ZFHX3: variants seen among roughly 807,000 people sequenced by gnomAD.
ZFHX3 encodes the protein zinc finger homeobox protein 3.
A neutral mutation model predicts 279.1 loss-of-function variants in ZFHX3; 42 were observed. The observed-to-expected ratio is 0.15, with a 90% CI of 0.12 to 0.19. The LOEUF (loss-of-function observed/expected upper bound fraction) is 0.19. Ranked by LOEUF, ZFHX3 falls within the 10% of genes least tolerant of loss-of-function variation. The probability of loss-of-function intolerance (pLI) is 1.00; values close to 1 mark genes in which losing one functional copy is unlikely to be tolerated. For synonymous variants in ZFHX3, 2,293 were observed against 1,957.8 expected (o/e 1.17, Z -4.52); for missense variants, 4,981 against 4,754.0 (o/e 1.05, Z -1.40).
rs374045387 is a variant in ZFHX3, at chr16:73,290,211, T to C, written c.-1194+28029A>G. On this transcript the variant is annotated intron_variant, in intron 4 of 17. Transcript: ENST00000641206. ...TCTGTGCCTTCCCTGATGGAGATTA[T>C]AGCTTCGTGAATTCCCTAACTGACA... Among the ~76,000 whole-genome samples the C allele has an allele frequency of 5.3e-5, 8 of 152,142 alleles. No homozygotes were observed. In the East Asian group the frequency reaches 1.2e-3, roughly 22 times the overall value.
intron 1 of ZFHX3, among the ~76,000 whole-genome samples, chr16:73,728,020 C>T (rs904758773): frequency 1.4e-4 from 13 of 90,594 alleles, no homozygotes; most frequent in African/African-American, 5.0e-4. Flanking sequence ...ATTGTGCCCC[C>T]CCCCCGCCCC....
At chr16:73,569,888 A>C (rs1221403027) in intron 2 of ZFHX3, among the ~76,000 whole-genome samples, 1 of 152,118 alleles carries the variant, frequency 6.6e-6, no homozygotes, top group African/African-American at 2.4e-5. Context: ...TAAAAGAACA[A>C]ACTGATCATT....
At chr16:73,268,369 A>G (rs12597019) in intron 4 of ZFHX3, among the ~76,000 whole-genome samples, 67,517 of 152,088 alleles carry the variant, frequency 0.44, 15,991 homozygotes, top group East Asian at 0.66. Flanking sequence ...TGCTGAGTGC[A>G]TTGCAGGGGA....
At chr16:73,583,587 A>G (rs2051884308) in intron 2 of ZFHX3, among the ~76,000 whole-genome samples, 1 of 152,348 alleles carries the variant, frequency 6.6e-6, no homozygotes, top group African/African-American at 2.4e-5. Flanking sequence ...GAAATTTATC[A>G]CTACCTGGGA....
intron 8 of ZFHX3, among the ~76,000 whole-genome samples, chr16:73,077,475 A>C (rs186409266): frequency 6.6e-6 from 1 of 152,274 alleles, no homozygotes; most frequent in East Asian, 1.9e-4. Context: ...GTTGTTAAAA[A>C]TGAAGTGACT....
At position 72,855,937 on chromosome 16, in the gene ZFHX3, G is replaced by T. The variant is rs138169935; in HGVS notation, c.3449-26078C>A. On this transcript the variant is annotated intron_variant, in intron 4 of 9. Coordinates refer to ENST00000268489, the MANE Select transcript of ZFHX3 (RefSeq NM_006885.4). ...TGGGAACTTAAATGTCGATTTTCTA[G>T]TTGAAAACAGTGGAAAAGAAAGGCC... 7.9e-5 allele frequency among the ~76,000 whole-genome samples: 12 copies of T among 152,344 alleles called. No homozygotes were observed. In the East Asian group the frequency reaches 2.3e-3, roughly 29 times the overall value.
chr16:72,868,852 C>T (rs1005534503), intron 4 of ZFHX3, among the ~76,000 whole-genome samples: 4 of 146,046 alleles, frequency 2.7e-5, no homozygotes, highest in Admixed American at 1.4e-4. Flanking sequence ...ATTGTACATA[C>T]AGCCTTGGAG....
chr16:73,212,530 A>G (rs1259298444), intron 5 of ZFHX3, among the ~76,000 whole-genome samples: 1 of 152,226 alleles, frequency 6.6e-6, no homozygotes, highest in Admixed American at 6.5e-5. Flanking sequence ...CTAGATTGCT[A>G]TACAGAGCAG....
chr16:73,781,229 T>C (rs574939841), intron 1 of ZFHX3, among the ~76,000 whole-genome samples: 3 of 152,234 alleles, frequency 2.0e-5, no homozygotes, highest in Non-Finnish European at 4.4e-5. Context: ...CTTTTTTCCG[T>C]GAGATCCATG....
chr16:73,173,808 A>C (rs1184509311), intron 5 of ZFHX3, among the ~76,000 whole-genome samples: 1 of 152,144 alleles, frequency 6.6e-6, no homozygotes, highest in Non-Finnish European at 1.5e-5. Flanking sequence ...AACGCTATAG[A>C]AGTGGGGGCG....
intron 4 of ZFHX3, among the ~76,000 whole-genome samples, chr16:73,276,249 T>G (rs1226092794): frequency 6.6e-6 from 1 of 151,410 alleles, no homozygotes; most frequent in Non-Finnish European, 1.5e-5. Context: ...AATGGTGCGA[T>G]CTCAGCTCAC....
At chr16:72,927,186 C>T (rs553624690) in intron 3 of ZFHX3, among the ~76,000 whole-genome samples, 14 of 152,346 alleles carry the variant, frequency 9.2e-5, no homozygotes, top group Non-Finnish European at 1.6e-4. Context: ...CTTGGTCAGA[C>T]ATTGGTTAAA....
chr16:73,491,047 C>T (rs1321325451), intron 2 of ZFHX3, among the ~76,000 whole-genome samples: 2 of 152,130 alleles, frequency 1.3e-5, no homozygotes, highest in East Asian at 1.9e-4. Context: ...AAAATGTCAT[C>T]GAAATATTCT....
At chr16:72,884,449 C>T (rs942140352) in intron 4 of ZFHX3, among the ~76,000 whole-genome samples, 3 of 152,176 alleles carry the variant, frequency 2.0e-5, no homozygotes, top group Non-Finnish European at 4.4e-5. Context: ...ATCAGTGTGT[C>T]CATATTGAGA....
intron 2 of ZFHX3, among the ~76,000 whole-genome samples, chr16:72,956,968 C>G (rs1190441320): frequency 6.6e-6 from 1 of 152,134 alleles, no homozygotes; most frequent in Non-Finnish European, 1.5e-5. Flanking sequence ...GTTCCGAATT[C>G]CTATTATTAA....
In ZFHX3 at chr16:73,591,714, A is replaced by AAAAAG. The variant is rs1263213942; in HGVS notation, c.-1547+88461_-1547+88465dup. On this transcript the variant is annotated intron_variant, in intron 2 of 17. Coordinates refer to the ZFHX3 transcript ENST00000641206. ...TCTCAAAAAAAAAAAAAAAAAAAAA[A>AAAAAG]AAAAGAAAAGAAAAGAAAACGGAGG... Among the ~76,000 whole-genome samples, 601 of 145,310 alleles carry AAAAAG rather than the reference A, an allele frequency of 4.1e-3. 2 individuals are homozygous for AAAAAG. The highest frequency in any genetic ancestry group is 7.1e-3 in the Middle Eastern group (2 of 280).
chr16:73,435,483 T>C (rs1488151237), intron 3 of ZFHX3, among the ~76,000 whole-genome samples: 1 of 152,176 alleles, frequency 6.6e-6, no homozygotes, highest in Non-Finnish European at 1.5e-5. Flanking sequence ...GTGCTGGGAT[T>C]ACAGGTGTGA....
At chr16:73,719,260 G>A (rs1279181945) in intron 1 of ZFHX3, among the ~76,000 whole-genome samples, 1 of 152,118 alleles carries the variant, frequency 6.6e-6, no homozygotes, top group African/African-American at 2.4e-5. Flanking sequence ...TCTATGTTTT[G>A]GCAAAGTTTG....
chr16:73,613,904 C>G (rs1313076966), intron 2 of ZFHX3, among the ~76,000 whole-genome samples: 1 of 152,200 alleles, frequency 6.6e-6, no homozygotes, highest in Non-Finnish European at 1.5e-5. Context: ...CCTACTAACA[C>G]CAGCCTCTGG....
Sources: allele counts gnomAD v4.1 joint callset (sites outside exome capture counted in the v4.1 genomes callset), GRCh38; gene constraint gnomAD v4.1.1; transcripts MANE v1.5; gene names NCBI Gene and HGNC (gene_info 2026-07-23, HGNC 2026-07-21).